ACSM3: variants seen among roughly 807,000 people sequenced by gnomAD.
ACSM3 encodes the protein acyl-CoA synthetase medium chain family member 3.
In ACSM3, 61 loss-of-function variants were observed where a neutral mutation model predicts 74.1. The ratio of observed to expected loss-of-function variants is 0.82; its 90% confidence interval spans 0.67 to 1.02. ACSM3 has a LOEUF of 1.02. Among genes scored for constraint, ACSM3 ranks in the 50% least tolerant of loss-of-function variants. The probability of loss-of-function intolerance (pLI) is 0.00; values close to 1 mark genes in which losing one functional copy is unlikely to be tolerated. For synonymous variants in ACSM3, 213 were observed against 241.5 expected (o/e 0.88, Z 1.09); for missense variants, 660 against 697.0 (o/e 0.95, Z 0.60).
intron 1 of ACSM3, among the ~76,000 whole-genome samples, chr16:20,707,530 C>T (rs1365471645): frequency 6.6e-6 from 1 of 152,128 alleles, no homozygotes; most frequent in East Asian, 1.9e-4. Flanking sequence ...GCCCTTTGGA[C>T]CAAGGTCCTG....
intron 1 of ACSM3, chr16:20,685,286 G>T (rs1466215431): frequency 3.1e-6 from 5 of 1,614,100 alleles, no homozygotes; most frequent in Non-Finnish European, 4.2e-6. Context: ...CCACAGGTCT[G>T]TGTGAAGACG....
chr16:20,748,422 C>T (rs2079967596), intron 1 of ACSM3, among the ~76,000 whole-genome samples: 1 of 152,174 alleles, frequency 6.6e-6, no homozygotes, highest in African/African-American at 2.4e-5. Context: ...CACCACATTG[C>T]TAGTTCTGTG....
chr16:20,776,462 A>G (rs1316677019), intron 3 of ACSM3, among the ~76,000 whole-genome samples: 1 of 152,136 alleles, frequency 6.6e-6, no homozygotes, highest in Non-Finnish European at 1.5e-5. Context: ...GGGAAGAGTA[A>G]AACCTATTGT....
chr16:20,736,349 G>A (rs1036655179), intron 1 of ACSM3: 2 of 147,496 alleles, frequency 1.4e-5, no homozygotes, highest in African/African-American at 5.1e-5. Context: ...TTGCGACACT[G>A]GACTGTCAGC....
At position 20,766,918 on chromosome 16, in the gene ACSM3, C is replaced by T. The variant is rs376633491; in HGVS notation, c.-52+2793C>T. On this transcript the variant is annotated intron_variant, in intron 1 of 13. Coordinates refer to ENST00000289416, the MANE Select transcript of ACSM3 (RefSeq NM_005622.4). ...TGGTGGAGAAATAAGAATCTATACT[C>T]ATAATTTGCTTGAATGCACATAAAG... Among the ~76,000 whole-genome samples, 10 of 152,054 alleles carry T rather than the reference C, an allele frequency of 6.6e-5. 1 individual carries two copies. The South Asian group carries it at 2.1e-3, about 32-fold the overall frequency.
intron 1 of ACSM3, chr16:20,741,603 A>T: frequency 6.4e-7 from 1 of 1,573,892 alleles, no homozygotes; most frequent in Non-Finnish European, 8.6e-7. Context: ...GGTGATGAGG[A>T]TGCCCTGTAG....
chr16:20,721,333 C>T (rs2079784538), intron 1 of ACSM3: 4 of 152,098 alleles, frequency 2.6e-5, no homozygotes, highest in Admixed American at 2.6e-4. Flanking sequence ...TGATTAATGC[C>T]AATTGTGACT....
rs193072297 is a variant in ACSM3, at chr16:20,720,230, T to C, written c.-189-29680T>C. Among the ~76,000 whole-genome samples, 17 of 152,284 alleles carry C rather than the reference T, an allele frequency of 1.1e-4. 1 individual carries two copies. In the East Asian group the frequency reaches 2.9e-3, roughly 26 times the overall value. The stretch of plus-strand genomic sequence containing the variant: ...TTTCTATTACTATTAAATTGTAATG[T>C]ATAATGAAATAATTATACAACTTAC... On this transcript the variant is annotated intron_variant, in intron 1 of 3. Coordinates refer to the ACSM3 transcript ENST00000561584.
intron 1 of ACSM3, chr16:20,741,563 C>A: frequency 6.7e-7 from 1 of 1,492,214 alleles, no homozygotes; most frequent in East Asian, 2.9e-5. Context: ...TGTAGGCCTC[C>A]TCCACGCACT....
intron 12 of ACSM3, among the ~76,000 whole-genome samples, chr16:20,794,419 C>T (rs1289982937): frequency 2.0e-5 from 3 of 152,108 alleles, no homozygotes; most frequent in Non-Finnish European, 4.4e-5. Context: ...CCATCCAATG[C>T]GATAGCCATG....
At chr16:20,693,435 C>T (rs2079673478) in intron 1 of ACSM3, among the ~76,000 whole-genome samples, 1 of 152,166 alleles carries the variant, frequency 6.6e-6, no homozygotes, top group Admixed American at 6.5e-5. Context: ...TCCTTTCTTT[C>T]CATGTAAATG....
intron 1 of ACSM3, among the ~76,000 whole-genome samples, chr16:20,740,300 CAGG>C (rs2079905756): frequency 2.0e-5 from 3 of 152,284 alleles, no homozygotes; most frequent in African/African-American, 7.2e-5. Context: ...GGGACTGAGG[CAGG>C]AGGACTGCTT....
intron 4 of ACSM3, among the ~76,000 whole-genome samples, chr16:20,778,393 T>C (rs1253188869): frequency 6.6e-6 from 1 of 152,194 alleles, no homozygotes; most frequent in Non-Finnish European, 1.5e-5. Context: ...TCCTACCACA[T>C]TTAAAATTCC....
At chr16:20,795,580 C>T (rs1221541170) in intron 12 of ACSM3, among the ~76,000 whole-genome samples, 1 of 152,196 alleles carries the variant, frequency 6.6e-6, no homozygotes, top group East Asian at 1.9e-4. Context: ...ATTTCAGGCA[C>T]CTAAGTGCAG....
chr16:20,796,684 C>T, intron 13 of ACSM3, 195 bp downstream of exon 13: 1 of 1,476,126 alleles, frequency 6.8e-7, no homozygotes. Flanking sequence ...GGTCCTTTGG[C>T]TTACTGGACT....
chr16:20,740,589 C>G (rs1419946052), intron 1 of ACSM3, among the ~76,000 whole-genome samples: 1 of 152,194 alleles, frequency 6.6e-6, no homozygotes, highest in African/African-American at 2.4e-5. Flanking sequence ...TTAAAGTATT[C>G]TCTTTTTTAT....
chr16:20,751,779 T>G (rs1485662761), intron 2 of ACSM3, among the ~76,000 whole-genome samples: 1 of 152,240 alleles, frequency 6.6e-6, no homozygotes, highest in Non-Finnish European at 1.5e-5. Context: ...CTTGGGGGTT[T>G]TATGAGAAGG....
At chr16:20,742,169 T>A (rs931894902) in intron 1 of ACSM3, 2 of 723,736 alleles carry the variant, frequency 2.8e-6, no homozygotes, top group Non-Finnish European at 3.9e-6. Flanking sequence ...GACACAATGG[T>A]CAAGTCCCGT....
intron 1 of ACSM3, among the ~76,000 whole-genome samples, chr16:20,718,005 G>A (rs1345477276): frequency 6.8e-6 from 1 of 147,706 alleles, no homozygotes; most frequent in African/African-American, 2.6e-5. Context: ...AGAAGAAGAA[G>A]AAGAAGAAGA....
Sources: allele counts gnomAD v4.1 joint callset (sites outside exome capture counted in the v4.1 genomes callset), GRCh38; gene constraint gnomAD v4.1.1; transcripts MANE v1.5; gene names NCBI Gene and HGNC (gene_info 2026-07-23, HGNC 2026-07-21).